FGFR4: variants seen among roughly 807,000 people sequenced by gnomAD.
The protein encoded by FGFR4 is fibroblast growth factor receptor 4.
A neutral mutation model predicts 89.9 loss-of-function variants in FGFR4; 63 were observed. That is an observed-to-expected ratio of 0.70 (90% CI 0.57 to 0.86). FGFR4 has a LOEUF of 0.86. Ranked by LOEUF, FGFR4 falls within the 40% of genes least tolerant of loss-of-function variation. The pLI is 0.00. For missense variants in FGFR4, 928 were observed against 1,106.7 expected (o/e 0.84, Z 2.29); for synonymous variants, 486 against 479.4 (o/e 1.01, Z -0.18).
Position 177,097,773 on chromosome 5 carries a change from C to A in FGFR4, c.*97C>A. 7 of 1,468,370 alleles carry A rather than the reference C, an allele frequency of 4.8e-6. No homozygotes were observed. Among genetic ancestry groups the A allele is most frequent in the Non-Finnish European group, 6.4e-6 (7 of 1,099,856 alleles). 91.0% of individuals were successfully genotyped at this position (1,468,370 alleles called of 1,614,324 possible). On this transcript the variant is annotated 3_prime_UTR_variant, in exon 18 of 18. Transcript: ENST00000292408. Reference sequence around the variant, plus strand: ...AGTGCTCGACCTTGATAGCATGGGGCCCCTGGCCCAGAGTTGCTGTGCCGT... The same window carrying A: ...AGTGCTCGACCTTGATAGCATGGGGACCCTGGCCCAGAGTTGCTGTGCCGT...
chr5:177,090,223 G>A (rs753816263), intron 2 of FGFR4, 167 bp from the exon 3 acceptor site: 2 of 936,260 alleles, frequency 2.1e-6, no homozygotes, highest in Non-Finnish European at 3.4e-6. Context: ...CATTTGCCCT[G>A]GGTGTGGCAT....
At position 177,095,907 on chromosome 5, in the gene FGFR4, A is replaced by T; in HGVS notation, c.1822-150A>T. 1 of 1,293,064 alleles carries T rather than the reference A, an allele frequency of 7.7e-7. No individual in the cohort carries two copies. Among genetic ancestry groups the T allele is most frequent in the Non-Finnish European group, 1.0e-6 (1 of 961,182 alleles). 80.1% of individuals were successfully genotyped at this position (1,293,064 alleles called of 1,614,324 possible). On this transcript the variant is annotated intron_variant, in intron 13 of 17. Coordinates refer to ENST00000292408, the MANE Select transcript of FGFR4 (RefSeq NM_213647.3). The surrounding 1 kb of genome is among the most constrained non-coding windows in gnomAD (Gnocchi z 5.7). Reference sequence around the variant, plus strand: ...CACCCTTCCCCAGAGGGGAGAGGGGACGCAGGAGAAGGCACTCCCCGTTTC... The same window carrying T: ...CACCCTTCCCCAGAGGGGAGAGGGGTCGCAGGAGAAGGCACTCCCCGTTTC...
At chr5:177,090,157 T>C (rs1233288678) in intron 2 of FGFR4, 1 of 695,752 alleles carries the variant, frequency 1.4e-6, no homozygotes, top group Non-Finnish European at 2.6e-6. Flanking sequence ...TGTGTGTGTC[T>C]TGGCCACTGT....
chr5:177,097,772 G>A lies in FGFR4; in HGVS notation c.*96G>A. 6.8e-7 allele frequency: 1 copy of A among 1,470,546 alleles called. No homozygotes were observed. The highest frequency in any genetic ancestry group is 9.1e-7 in the Non-Finnish European group (1 of 1,101,566). 91.1% of individuals were successfully genotyped at this position (1,470,546 alleles called of 1,614,324 possible). ...CAGTGCTCGACCTTGATAGCATGGGGCCCCTGGCCCAGAGTTGCTGTGCCG... is the reference window on the plus strand; with the variant it reads ...CAGTGCTCGACCTTGATAGCATGGGACCCCTGGCCCAGAGTTGCTGTGCCG... On this transcript the variant is annotated 3_prime_UTR_variant, in exon 18 of 18. Coordinates refer to ENST00000292408, the MANE Select transcript of FGFR4 (RefSeq NM_213647.3).
intron 3 of FGFR4, 29 bp downstream of exon 3, chr5:177,090,682 A>G (rs773464620): frequency 1.3e-6 from 2 of 1,535,416 alleles, no homozygotes; most frequent in Non-Finnish European, 1.8e-6. Context: ...GAGTGAAGGG[A>G]TGCCTGGGGA....
chr5:177,097,589 C>T lies in FGFR4; in HGVS notation c.2322C>T (p.Thr774=). 3.1e-6 allele frequency: 5 copies of T among 1,614,208 alleles called. No homozygotes were observed. The highest frequency in any genetic ancestry group is 4.2e-6 in the Non-Finnish European group (5 of 1,180,030). The change falls in exon 18 of 18, where the codon ACC becomes ACT. Residue 774 remains threonine (T), a synonymous_variant. Coordinates refer to ENST00000292408, the MANE Select transcript of FGFR4 (RefSeq NM_213647.3). ...YSPSGGDASS[T]CSSSDSVFSH... is the part of the protein sequence containing the mutation. The stretch of plus-strand genomic sequence containing the variant: ...CCTCTGGTGGGGACGCCAGCAGCAC[C>T]TGCTCCTCCAGCGATTCTGTCTTCA...
In FGFR4 at chr5:177,091,814, C is replaced by A; in HGVS notation, c.727+6C>A. Reference sequence around the variant, plus strand: ...CTACCTGCTAGATGTGCTGGGTGAGCGCGGGGCTGGGAACAGGGGAGGCCT... The same window carrying A: ...CTACCTGCTAGATGTGCTGGGTGAGAGCGGGGCTGGGAACAGGGGAGGCCT... On this transcript the variant is annotated splice_donor_region_variant and intron_variant, in intron 6 of 17. Coordinates refer to ENST00000292408, the MANE Select transcript of FGFR4 (RefSeq NM_213647.3). 4 of 1,613,926 alleles carry A rather than the reference C, an allele frequency of 2.5e-6. No homozygotes were observed. In the East Asian group the frequency reaches 8.9e-5, roughly 36 times the overall value.
At chr5:177,092,224 G>T (rs889782958) in intron 6 of FGFR4, 97 bp from the exon 7 acceptor site, 135 of 1,258,240 alleles carry the variant, frequency 1.1e-4, no homozygotes, top group Non-Finnish European at 1.4e-4. Flanking sequence ...GCTGCAGAAA[G>T]GTCCCTCCCT....
chr5:177,095,732 G>T lies in FGFR4; in HGVS notation c.1821+9G>T, dbSNP rs200052517. On this transcript the variant is annotated intron_variant, in intron 13 of 17. Transcript: ENST00000292408. This position sits in a 1 kb window ranked among gnomAD's most constrained non-coding sequence, Gnocchi z 5.7. ...ATCTGGAGTCCCGGAAGGTACAGGC[G>T]CTAGGGCTCTGAGCCCCTCTCAGTC... The T allele has an allele frequency of 5.6e-5, 88 of 1,579,308 alleles. No individual in the cohort carries two copies. The highest frequency in any genetic ancestry group is 7.4e-5 in the Non-Finnish European group (86 of 1,164,946).
rs543839498 is a variant in FGFR4, at chr5:177,093,492, C to G, written c.1338C>G (p.Leu446=). ...VRLSSSGPAL[L]AGLVSLDLPL... is the part of the protein sequence containing the mutation. ...TCTCCTCCAGCGGCCCCGCCTTGCTCGCCGGCCTCGTGAGTCTAGATCTAC... is the reference window on the plus strand; with the variant it reads ...TCTCCTCCAGCGGCCCCGCCTTGCTGGCCGGCCTCGTGAGTCTAGATCTAC... Residue 446 remains leucine (L), a synonymous_variant, in exon 10 of 18, where the codon CTC becomes CTG. Transcript: ENST00000292408. This position sits in a 1 kb window ranked among gnomAD's most constrained non-coding sequence, Gnocchi z 5.8. 6.2e-7 allele frequency: 1 copy of G among 1,613,830 alleles called. No homozygotes were observed. Among genetic ancestry groups the G allele is most frequent in the Non-Finnish European group, 8.5e-7 (1 of 1,180,030 alleles).
Position 177,093,504 on chromosome 5 carries a change from G to C in FGFR4, c.1350G>C (p.Val450=), listed in dbSNP as rs369968132. The C allele has an allele frequency of 8.7e-6, 14 of 1,613,744 alleles. No individual in the cohort carries two copies. The highest frequency in any genetic ancestry group is 5.0e-5 in the Admixed American group (3 of 60,002). ...SSGPALLAGL[V]SLDLPLDPLW... is the part of the protein sequence containing the mutation. Reference sequence around the variant, plus strand: ...GCCCCGCCTTGCTCGCCGGCCTCGTGAGTCTAGATCTACCTCTCGACCCAC... The same window carrying C: ...GCCCCGCCTTGCTCGCCGGCCTCGTCAGTCTAGATCTACCTCTCGACCCAC... Residue 450 remains valine (V), a synonymous_variant, in exon 10 of 18, where the codon GTG becomes GTC. Transcript: ENST00000292408. This position sits in a 1 kb window ranked among gnomAD's most constrained non-coding sequence, Gnocchi z 5.8.
Position 177,090,806 on chromosome 5 carries a change from G to A in FGFR4, c.417G>A (p.Arg139=), listed in dbSNP as rs368065553. 5 of 1,613,914 alleles carry A rather than the reference G, an allele frequency of 3.1e-6. No homozygotes were observed. The highest frequency in any genetic ancestry group is 1.3e-5 in the African/African-American group (1 of 74,892). Residue 139 remains arginine (R), a synonymous_variant, in exon 4 of 18, where the codon AGG becomes AGA. Coordinates refer to ENST00000292408, the MANE Select transcript of FGFR4 (RefSeq NM_213647.3). The part of the protein sequence containing the change: ...DPKSHRDPSN[R]HSYPQQAPYW... ...AGTCCCATAGGGACCCCTCGAATAGGCACAGTTACCCCCAGCAAGGTCAGT... is the reference window on the plus strand; with the variant it reads ...AGTCCCATAGGGACCCCTCGAATAGACACAGTTACCCCCAGCAAGGTCAGT...
chr5:177,089,925 G>T, intron 2 of FGFR4: 1 of 713,150 alleles, frequency 1.4e-6, no homozygotes. Flanking sequence ...CCCTAAGCTG[G>T]GCTGCAGAGC....
rs1471471561 is a variant in FGFR4 at position 177,090,794 on chromosome 5, C to T, written c.405C>T (p.Asp135=). ...ATGAGGACCCCAAGTCCCATAGGGA[C>T]CCCTCGAATAGGCACAGTTACCCCC... The part of the protein sequence containing the change: ...NDDEDPKSHR[D]PSNRHSYPQQ... The change falls in exon 4 of 18, where the codon GAC becomes GAT. Residue 135 remains aspartate, a synonymous_variant. Coordinates refer to ENST00000292408, the MANE Select transcript of FGFR4 (RefSeq NM_213647.3). The T allele has an allele frequency of 1.9e-6, 3 of 1,613,886 alleles. No individual in the cohort carries two copies. The highest frequency in any genetic ancestry group is 4.5e-5 in the East Asian group (2 of 44,872).
chr5:177,093,917 G>A lies in FGFR4; in HGVS notation c.1519+142G>A. The A allele has an allele frequency of 9.6e-7, 1 of 1,040,192 alleles. No individual in the cohort carries two copies. Among genetic ancestry groups the A allele is most frequent in the Non-Finnish European group, 1.4e-6 (1 of 739,998 alleles). The allele number at this position is 1,040,192 out of a possible 1,614,324, so 64.4% of individuals were successfully genotyped here. A position where few individuals can be genotyped will look rare whatever the true frequency, so the allele number is the denominator to read the frequency against. Reference sequence around the variant, plus strand: ...CTTCATCTCTACAAAAAAAAAATAAGAAAATTAGTTGGGTGTGGTGGTGTG... The same window carrying A: ...CTTCATCTCTACAAAAAAAAAATAAAAAAATTAGTTGGGTGTGGTGGTGTG... On this transcript the variant is annotated intron_variant, in intron 11 of 17. Transcript: ENST00000292408. The surrounding 1 kb of genome is among the most constrained non-coding windows in gnomAD (Gnocchi z 5.8).
In FGFR4 at chr5:177,095,599, G is replaced by A. The variant is rs2149737884; in HGVS notation, c.1697G>A (p.Arg566His). The A allele has an allele frequency of 2.5e-6, 4 of 1,604,658 alleles. No homozygotes were observed. Among genetic ancestry groups the A allele is most frequent in the South Asian group, 1.1e-5 (1 of 89,870 alleles). ...GNLREFLRAR[R>H]PPGPDLSPDG... ...CTGCGGGAGTTCCTGCGGGCCCGGC[G>A]CCCCCCAGGCCCCGACCTCAGCCCC... Residue 566 changes from arginine to histidine, a missense_variant, in exon 13 of 18, where the codon CGC becomes CAC. Coordinates refer to ENST00000292408, the MANE Select transcript of FGFR4 (RefSeq NM_213647.3). This position sits in a 1 kb window ranked among gnomAD's most constrained non-coding sequence, Gnocchi z 5.7.
At position 177,092,515 on chromosome 5, in the gene FGFR4, A is replaced by G. The variant is rs3135925; in HGVS notation, c.918+4A>G. On this transcript the variant is annotated splice_donor_region_variant and intron_variant, in intron 7 of 17. Coordinates refer to ENST00000292408, the MANE Select transcript of FGFR4 (RefSeq NM_213647.3). ...CCCCTATGTGCAAGTCCTAAAGGTA[A>G]AAGGTGCACCCTGCTGCAGCCTGGG... 7,169 of 1,574,018 alleles carry G rather than the reference A, an allele frequency of 4.6e-3. 326 individuals are homozygous for G. The African/African-American group carries it at 0.087, about 19-fold the overall frequency.
rs200070761 is a variant in FGFR4 at position 177,093,327 on chromosome 5, G to A, written c.1247G>A (p.Arg416Gln). ...VQKLSRFPLARQFSLESGSSG... is the reference protein window; with the variant it reads ...VQKLSRFPLAQQFSLESGSSG... ...AAGCTCTCCCGCTTCCCTCTGGCCC[G>A]ACAGGTACTGGGCGCATCCCCCACC... Residue 416 changes from arginine to glutamine, a missense_variant, in exon 9 of 18, where the codon CGA (arginine) becomes CAA (glutamine). By Grantham distance (43) the Arg-to-Gln change is conservative. Around this residue, in one of 5 missense-constraint regions of FGFR4, gnomAD observed 741 missense variants for 836.9 expected, o/e 0.89. Coordinates refer to ENST00000292408, the MANE Select transcript of FGFR4 (RefSeq NM_213647.3). The surrounding 1 kb of genome is among the most constrained non-coding windows in gnomAD (Gnocchi z 5.8). The A allele has an allele frequency of 7.7e-5, 101 of 1,304,148 alleles. No homozygotes were observed. Among genetic ancestry groups the A allele is most frequent in the South Asian group, 2.1e-4 (18 of 86,632 alleles). The allele number at this position is 1,304,148 out of a possible 1,614,324, so 80.8% of individuals were successfully genotyped here.
In FGFR4 at chr5:177,087,579, A is replaced by C; in HGVS notation, c.-54+502A>C. 1.0e-6 allele frequency: 1 copy of C among 985,498 alleles called. No individual in the cohort carries two copies. The highest frequency in any genetic ancestry group is 1.2e-6 in the Non-Finnish European group (1 of 830,000). The allele number at this position is 985,498 out of a possible 1,614,324, so 61.0% of individuals were successfully genotyped here. A position where few individuals can be genotyped will look rare whatever the true frequency, so the allele number is the denominator to read the frequency against. On this transcript the variant is annotated intron_variant, in intron 1 of 17. Transcript: ENST00000292408. The surrounding 1 kb of genome is among the most constrained non-coding windows in gnomAD (Gnocchi z 6.1). ...ATTCCCACGTGGGGGGTGGTCGGTC[A>C]GCGGTCAGCAGCCATGGGTGACTCG...
Sources: gnomAD v4.1 joint callset for allele counts on GRCh38, gnomAD v4.1.1 for gene constraint, gnomAD v4.1.1 regional missense constraint, Gnocchi (gnomAD v3.1) non-coding constraint, MANE v1.5 for transcripts, NCBI Gene and HGNC (gene_info 2026-07-23, HGNC 2026-07-21) for gene names.